The following ACTN4 variants were observed in gnomAD, a reference collection of about 807,000 sequenced individuals.
The protein encoded by ACTN4 is alpha-actinin-4.
Under a neutral mutation model 114.2 loss-of-function variants are expected in ACTN4, and 18 were observed. The ratio of observed to expected loss-of-function variants is 0.16; its 90% CI spans 0.11 to 0.23. The LOEUF (loss-of-function observed/expected upper bound fraction) is 0.23. Ranked by LOEUF, ACTN4 falls within the 10% of genes least tolerant of loss-of-function variation. The pLI, the probability that ACTN4 is intolerant of heterozygous loss-of-function variation, is 1.00. For missense variants in ACTN4, 722 were observed against 1,262.9 expected (o/e 0.57, Z 6.49); for synonymous variants, 515 against 506.3 (o/e 1.02, Z -0.23).
chr19:38,727,226 A>G lies in ACTN4; in HGVS notation c.2337+123A>G. ...TTGCTGAGCGTCGGCCGCCACTCCC[A>G]GGGCCAGCAGGGCCCTGCCACTGTC... On this transcript the variant is annotated intron_variant, in intron 18 of 20. Coordinates refer to ENST00000252699, the MANE Select transcript of ACTN4 (RefSeq NM_004924.6). This position sits in a 1 kb window ranked among gnomAD's most constrained non-coding sequence, Gnocchi z 5.4. The G allele has an allele frequency of 2.1e-6, 3 of 1,423,548 alleles. No homozygotes were observed. Among genetic ancestry groups the G allele is most frequent in the East Asian group, 2.5e-5 (1 of 40,542 alleles). 88.2% of individuals were successfully genotyped at this position (1,423,548 alleles called of 1,614,324 possible).
chr19:38,680,790 T>C (rs548962903), intron 1 of ACTN4, among the ~76,000 whole-genome samples: 2 of 152,262 alleles, frequency 1.3e-5, no homozygotes, highest in South Asian at 4.1e-4. Flanking sequence ...TCTTTATTCC[T>C]ACCATTGTCC....
chr19:38,683,488 C>T (rs922239699), intron 1 of ACTN4, among the ~76,000 whole-genome samples: 2 of 152,210 alleles, frequency 1.3e-5, no homozygotes, highest in African/African-American at 4.8e-5. Context: ...AGCCAGGCCT[C>T]CTAGGCCATT....
In ACTN4 at chr19:38,709,367, CTTG is replaced by C. The variant is rs755403506; in HGVS notation, c.652-23_652-21del. ...TCCTGCACCCTGCCCTGACGGAGTT[CTTG>C]TTGTCCCCACTTGCCTCCTTCTAGG... On this transcript the variant is annotated intron_variant, in intron 6 of 20. Coordinates refer to ENST00000252699, the MANE Select transcript of ACTN4 (RefSeq NM_004924.6). 5.1e-6 allele frequency: 8 copies of C among 1,574,124 alleles called. No individual in the cohort carries two copies. In the South Asian group the frequency reaches 5.5e-5, roughly 11 times the overall value.
intron 3 of ACTN4, among the ~76,000 whole-genome samples, chr19:38,702,351 C>T (rs998945228): frequency 1.3e-5 from 2 of 152,202 alleles, no homozygotes; most frequent in African/African-American, 4.8e-5. Context: ...CTGAGAACCC[C>T]GCCCCACCCT....
chr19:38,721,721 G>T, intron 12 of ACTN4, 33 bp downstream of exon 12: 1 of 1,608,022 alleles, frequency 6.2e-7, no homozygotes. Flanking sequence ...ATCATCACCT[G>T]GCTCTCACCA....
chr19:38,699,948 C>G (rs4802747), intron 1 of ACTN4, among the ~76,000 whole-genome samples: 2 of 151,886 alleles, frequency 1.3e-5, no homozygotes, highest in Non-Finnish European at 2.9e-5. Context: ...AAGAGAGACT[C>G]GAGGAAATCC....
At chr19:38,673,370 T>C (rs148130085) in intron 1 of ACTN4, among the ~76,000 whole-genome samples, 2,063 of 148,376 alleles carry the variant, frequency 0.014, 53 homozygotes, top group African/African-American at 0.047. Flanking sequence ...TCGGGGACAA[T>C]AGGCATTAAA....
chr19:38,716,429 A>C (rs1382951737), intron 9 of ACTN4, among the ~76,000 whole-genome samples: 1 of 152,232 alleles, frequency 6.6e-6, no homozygotes, highest in Non-Finnish European at 1.5e-5. Flanking sequence ...CTCAGCATGG[A>C]GCTCAGTGAA....
At chr19:38,666,575 C>T (rs1318043340) in intron 1 of ACTN4, among the ~76,000 whole-genome samples, 4 of 152,244 alleles carry the variant, frequency 2.6e-5, no homozygotes, top group Admixed American at 1.3e-4. Flanking sequence ...CACACAGGTC[C>T]GCAGTGGGAG....
chr19:38,704,899 G>A (rs369007784), intron 3 of ACTN4, 35 bp from the exon 4 acceptor site: 18 of 1,603,480 alleles, frequency 1.1e-5, no homozygotes, highest in South Asian at 4.4e-5. Context: ...TGGTTTTAAC[G>A]ACCTTCTGCC....
At chr19:38,716,756 C>T (rs1349342274) in intron 9 of ACTN4, among the ~76,000 whole-genome samples, 1 of 152,228 alleles carries the variant, frequency 6.6e-6, no homozygotes, top group African/African-American at 2.4e-5. Flanking sequence ...AGGATGGCTT[C>T]AGCCCGGGAG....
At chr19:38,652,013 C>T (rs1403927415) in intron 1 of ACTN4, among the ~76,000 whole-genome samples, 1 of 152,136 alleles carries the variant, frequency 6.6e-6, no homozygotes, top group African/African-American at 2.4e-5. Context: ...GGATTACAGG[C>T]GTGAGCCACT....
At position 38,731,077 on chromosome 19, in the gene ACTN4, C is replaced by A. The variant is rs773294799; in HGVS notation, c.*1645C>A. ...CACCAGTCCCCGTACCCCTTCCCCC[C>A]ATGCCCCACCATGCCGGGGTGGTAC... On this transcript the variant is annotated 3_prime_UTR_variant, in exon 21 of 21. Coordinates refer to ENST00000252699, the MANE Select transcript of ACTN4 (RefSeq NM_004924.6). The A allele has an allele frequency of 9.1e-7, 1 of 1,093,446 alleles. No individual in the cohort carries two copies. Among genetic ancestry groups the A allele is most frequent in the South Asian group, 1.6e-5 (1 of 61,356 alleles). 67.7% of individuals were successfully genotyped at this position (1,093,446 alleles called of 1,614,324 possible).
At chr19:38,710,169 G>A (rs554931348) in intron 7 of ACTN4, 88 bp from the exon 8 acceptor site, 49 of 1,382,478 alleles carry the variant, frequency 3.5e-5, no homozygotes, top group South Asian at 2.3e-4. Context: ...CCCCAAGGCC[G>A]TGGCCTTGGG....
At chr19:38,700,871 T>C (rs1968249483) in intron 2 of ACTN4, 131 bp from the exon 3 acceptor site, 6 of 1,430,712 alleles carry the variant, frequency 4.2e-6, no homozygotes, top group Non-Finnish European at 5.8e-6. Context: ...GGGGCCAGAG[T>C]GGCCTGGTGG....
At chr19:38,691,764 G>A (rs1048087384) in intron 1 of ACTN4, among the ~76,000 whole-genome samples, 1 of 151,756 alleles carries the variant, frequency 6.6e-6, no homozygotes, top group Non-Finnish European at 1.5e-5. Flanking sequence ...TTAGCCGGGT[G>A]TGATGGTGGG....
intron 5 of ACTN4, 55 bp from the exon 6 acceptor site, chr19:38,708,062 G>A: frequency 6.4e-7 from 1 of 1,559,566 alleles, no homozygotes; most frequent in Non-Finnish European, 8.8e-7. Flanking sequence ...GGGCCATACG[G>A]CACTCTCATG....
intron 1 of ACTN4, among the ~76,000 whole-genome samples, chr19:38,653,547 A>T (rs1233475145): frequency 1.3e-5 from 2 of 152,170 alleles, no homozygotes; most frequent in African/African-American, 2.4e-5. Context: ...AATAGCTGAA[A>T]TATCAACATG....
chr19:38,673,728 TA>T (rs2144896316), intron 1 of ACTN4, among the ~76,000 whole-genome samples: 1 of 110,646 alleles, frequency 9.0e-6, no homozygotes, highest in South Asian at 2.6e-4. Context: ...TATATATACT[TA>T]TATATATTTA....
Sources: allele counts gnomAD v4.1 joint callset (sites outside exome capture counted in the v4.1 genomes callset), GRCh38; gene constraint gnomAD v4.1.1; non-coding constraint Gnocchi (gnomAD v3.1); transcripts MANE v1.5; gene names NCBI Gene and HGNC (gene_info 2026-07-23, HGNC 2026-07-21).